Variants in LMF1 observed in about 807,000 individuals in gnomAD.
The protein encoded by LMF1 is lipase maturation factor 1.
In LMF1, 68 loss-of-function variants were observed where a neutral mutation model predicts 60.6. The observed-to-expected ratio is 1.12, with a 90% CI of 0.92 to 1.37. LMF1 has a LOEUF of 1.37. LMF1 is among the 40% of genes most tolerant of loss of function. The pLI, the probability that LMF1 is intolerant of heterozygous loss-of-function variation, is 0.00. For missense variants in LMF1, 948 were observed against 767.2 expected (o/e 1.24, Z -2.78); for synonymous variants, 418 against 324.7 (o/e 1.29, Z -3.09).
At chr16:976,472 G>A (rs1175396142) in intron 1 of LMF1, 2 of 454,096 alleles carry the variant, frequency 4.4e-6, no homozygotes, top group African/African-American at 2.0e-5. Flanking sequence ...ACCGCCCCCA[G>A]GCTGGGCCTC....
chr16:978,755 G>A (rs2073249855), intron 1 of LMF1, among the ~76,000 whole-genome samples: 2 of 152,088 alleles, frequency 1.3e-5, no homozygotes, highest in African/African-American at 4.8e-5. Context: ...GGGAGACAGG[G>A]GAGGAGGGTG....
intron 10 of LMF1, among the ~76,000 whole-genome samples, chr16:856,390 G>A (rs1047145664): frequency 2.6e-5 from 4 of 152,338 alleles, no homozygotes; most frequent in South Asian, 2.1e-4. Context: ...CCGTGAGGGC[G>A]CTGGGCTGTG....
chr16:867,871 T>C (rs892266650), intron 10 of LMF1, among the ~76,000 whole-genome samples: 26 of 152,134 alleles, frequency 1.7e-4, no homozygotes, highest in Non-Finnish European at 2.8e-4. Context: ...GCCCAGCTGC[T>C]CCACTGCCTC....
intron 8 of LMF1, among the ~76,000 whole-genome samples, 192 bp from the exon 9 acceptor site, chr16:870,258 A>G (rs1255869808): frequency 6.6e-6 from 1 of 152,186 alleles, no homozygotes; most frequent in Non-Finnish European, 1.5e-5. Flanking sequence ...CTGTGGCCCC[A>G]GGGTCTCATT....
At chr16:920,225 C>T (rs944236522) in intron 3 of LMF1, among the ~76,000 whole-genome samples, 1 of 151,290 alleles carries the variant, frequency 6.6e-6, no homozygotes, top group Non-Finnish European at 1.5e-5. Flanking sequence ...GCCCCCGACA[C>T]GACATCCACA....
upstream of LMF1, among the ~76,000 whole-genome samples, chr16:975,534 T>C (rs1363009641): frequency 6.6e-6 from 1 of 152,214 alleles, no homozygotes; most frequent in Non-Finnish European, 1.5e-5. Context: ...GTGCTGTCCA[T>C]GCCCAGGCCC....
chr16:878,762 A>AG lies in LMF1; in HGVS notation c.897+807dup, dbSNP rs1444693068. Among the ~76,000 whole-genome samples, 31 of 134,234 alleles carry AG rather than the reference A, an allele frequency of 2.3e-4. No individual in the cohort carries two copies. Among genetic ancestry groups the AG allele is most frequent in the African/African-American group, 8.3e-4 (31 of 37,358 alleles). The allele number at this position is 134,234 out of a possible 152,430, so 88.1% of individuals were successfully genotyped here. Reference sequence around the variant, plus strand: ...GGGAAGGGCGGGGGCAGGGGCGGGCAGGGCAGGGGAAGGGGCGTGGGACAC... The same window carrying AG: ...GGGAAGGGCGGGGGCAGGGGCGGGCAGGGGCAGGGGAAGGGGCGTGGGACAC... On this transcript the variant is annotated intron_variant, in intron 6 of 10. Transcript: ENST00000262301. This position sits in a 1 kb window ranked among gnomAD's most constrained non-coding sequence, Gnocchi z 5.2.
Position 854,046 on chromosome 16 carries a change from G to A in LMF1, c.*486C>T, listed in dbSNP as rs1245260655. On this transcript the variant is annotated 3_prime_UTR_variant, in exon 11 of 11. Coordinates refer to ENST00000262301, the MANE Select transcript of LMF1 (RefSeq NM_022773.4). ...GTGTCCAGGTCCCTGTGGGGCGAGG[G>A]TTTGGCTGCCCCAGACGTGACAGGG... is the stretch of plus-strand genomic sequence containing the variant. The A allele has an allele frequency of 2.2e-6, 1 of 455,174 alleles. No homozygotes were observed. Among genetic ancestry groups the A allele is most frequent in the East Asian group, 6.9e-5 (1 of 14,436 alleles). 28.2% of individuals were successfully genotyped at this position (455,174 alleles called of 1,614,324 possible).
intron 2 of LMF1, among the ~76,000 whole-genome samples, chr16:940,554 G>GT (rs1283290703): frequency 6.6e-6 from 1 of 152,228 alleles, no homozygotes. Flanking sequence ...TAAAATATCA[G>GT]TGTCATAAAA....
chr16:963,643 C>A (rs970155450), intron 1 of LMF1, among the ~76,000 whole-genome samples: 15 of 152,094 alleles, frequency 9.9e-5, no homozygotes, highest in African/African-American at 3.6e-4. Context: ...GGCTGGGGCC[C>A]CTTTCCCACA....
At position 874,070 on chromosome 16, in the gene LMF1, T is replaced by TG. The variant is rs906942070; in HGVS notation, c.898-2730dup. On this transcript the variant is annotated intron_variant, in intron 6 of 10. Transcript: ENST00000262301. The surrounding 1 kb of genome is among the most constrained non-coding windows in gnomAD (Gnocchi z 4.1). ...GTGTGAGGGTCTCCTTTGCCGGGTG[T>TG]GGGGGGGGTATGGGAAGTTCTGGAA... is the stretch of plus-strand genomic sequence containing the variant. 7.6e-4 allele frequency among the ~76,000 whole-genome samples: 115 copies of TG among 151,614 alleles called. No individual in the cohort carries two copies. Among genetic ancestry groups the TG allele is most frequent in the Middle Eastern group, 3.4e-3 (1 of 294 alleles).
chr16:951,831 CCAGA>C (rs2072478686), intron 2 of LMF1, among the ~76,000 whole-genome samples: 2 of 152,210 alleles, frequency 1.3e-5, no homozygotes, highest in African/African-American at 4.8e-5. Flanking sequence ...ACTTCACCGT[CCAGA>C]CACTCAACAA....
At chr16:958,257 T>C (rs1221111254) in intron 1 of LMF1, among the ~76,000 whole-genome samples, 1 of 152,180 alleles carries the variant, frequency 6.6e-6, no homozygotes, top group Non-Finnish European at 1.5e-5. Context: ...TTTATCAAAC[T>C]GAAAAACTTT....
At chr16:943,548 G>GA (rs1182981204) in intron 2 of LMF1, among the ~76,000 whole-genome samples, 1 of 151,756 alleles carries the variant, frequency 6.6e-6, no homozygotes, top group African/African-American at 2.4e-5. Context: ...CAACAATGGT[G>GA]AAACACCATT....
intron 4 of LMF1, among the ~76,000 whole-genome samples, chr16:896,593 G>C (rs1258424219): frequency 6.6e-6 from 1 of 152,158 alleles, no homozygotes; most frequent in African/African-American, 2.4e-5. Flanking sequence ...TGACCGGGCG[G>C]AGAAGGCCCC....
intron 5 of LMF1, among the ~76,000 whole-genome samples, chr16:883,293 G>A (rs755423860): frequency 1.4e-4 from 20 of 143,814 alleles, no homozygotes; most frequent in African/African-American, 2.9e-4. Context: ...AGAGCTGCCC[G>A]GCAGAGCCTA....
intron 6 of LMF1, among the ~76,000 whole-genome samples, chr16:876,879 A>C (rs117450965): frequency 0.011 from 1,683 of 152,302 alleles, 17 homozygotes; most frequent in Middle Eastern, 0.048. Context: ...GAAAAAAACG[A>C]GAGAGAAAGA....
chr16:871,561 T>G, intron 6 of LMF1: 8 of 575,260 alleles, frequency 1.4e-5, no homozygotes, highest in East Asian at 2.9e-5. Context: ...TTCCAGAACA[T>G]TCCTCCCATG....
intron 10 of LMF1, among the ~76,000 whole-genome samples, chr16:856,607 G>A (rs910778315): frequency 1.3e-5 from 2 of 152,214 alleles, no homozygotes; most frequent in African/African-American, 4.8e-5. Flanking sequence ...GGCCTAGGGG[G>A]CCCAGGGCCT....
Sources: allele counts gnomAD v4.1 joint callset (sites outside exome capture counted in the v4.1 genomes callset), GRCh38; gene constraint gnomAD v4.1.1; non-coding constraint Gnocchi (gnomAD v3.1); transcripts MANE v1.5; gene names NCBI Gene and HGNC (gene_info 2026-07-23, HGNC 2026-07-21).